ZC2HC1B: variants seen among roughly 807,000 people sequenced by gnomAD.
ZC2HC1B encodes the protein zinc finger C2HC-type containing 1B, also known as zinc finger C2HC domain-containing protein 1B.
In ZC2HC1B, 36 loss-of-function variants were observed where a neutral mutation model predicts 31.0. That is an observed-to-expected ratio of 1.16 (90% CI 0.89 to 1.54). The LOEUF is 1.54. Ranked by LOEUF, ZC2HC1B falls within the 40% of genes most tolerant of loss-of-function variation. The pLI, the probability that ZC2HC1B is intolerant of heterozygous loss-of-function variation, is 0.00. For missense variants in ZC2HC1B, 260 were observed against 268.6 expected (o/e 0.97, Z 0.22); for synonymous variants, 73 against 88.0 (o/e 0.83, Z 0.95).
At chr6:143,902,981 A>G in intron 5 of ZC2HC1B, 63 bp from the exon 6 acceptor site, 1 of 1,456,090 alleles carries the variant, frequency 6.9e-7, no homozygotes, top group Non-Finnish European at 9.4e-7. Flanking sequence ...TGTACCTCCT[A>G]TGTGGCACCT....
chr6:143,931,225 A>G (rs975610650), intron 6 of ZC2HC1B, among the ~76,000 whole-genome samples: 1 of 152,224 alleles, frequency 6.6e-6, no homozygotes, highest in Non-Finnish European at 1.5e-5. Flanking sequence ...TCTTGAAGAC[A>G]ACAGATACTT....
intron 1 of ZC2HC1B, among the ~76,000 whole-genome samples, chr6:143,873,002 A>G (rs1295004820): frequency 6.6e-6 from 1 of 152,180 alleles, no homozygotes; most frequent in Non-Finnish European, 1.5e-5. Context: ...TTCAGCATTA[A>G]TCCAAAACTC....
chr6:143,921,236 C>G lies in ZC2HC1B; in HGVS notation c.599-16413C>G, dbSNP rs1416696166. On this transcript the variant is annotated intron_variant, in intron 6 of 7. Coordinates refer to ENST00000237275, the MANE Select transcript of ZC2HC1B (RefSeq NM_001013623.3). The surrounding 1 kb of genome is among the most constrained non-coding windows in gnomAD (Gnocchi z 6.1). ...ACTTCTCCAACCTCTGTATTTAAAA[C>G]TAACCAAGCCTTCCCTAATTCCTTT... Among the ~76,000 whole-genome samples, 2 of 152,226 alleles carry G rather than the reference C, an allele frequency of 1.3e-5. No individual in the cohort carries two copies. Among genetic ancestry groups the G allele is most frequent in the Admixed American group, 6.5e-5 (1 of 15,292 alleles).
At position 143,931,605 on chromosome 6, in the gene ZC2HC1B, C is replaced by T. The variant is rs530791112; in HGVS notation, c.599-6044C>T. The stretch of plus-strand genomic sequence containing the variant: ...TTATGATGCTTAGTTTTGCTGGACA[C>T]AGAAGTCTTGGCTGGCAATTATTTT... On this transcript the variant is annotated intron_variant, in intron 6 of 7. Coordinates refer to ENST00000237275, the MANE Select transcript of ZC2HC1B (RefSeq NM_001013623.3). 1.4e-4 allele frequency among the ~76,000 whole-genome samples: 21 copies of T among 152,282 alleles called. No homozygotes were observed. The South Asian group carries it at 4.4e-3, about 32-fold the overall frequency.
intron 5 of ZC2HC1B, among the ~76,000 whole-genome samples, chr6:143,900,448 G>A (rs115708566): frequency 1.3e-5 from 2 of 151,850 alleles, no homozygotes; most frequent in African/African-American, 4.8e-5. Context: ...GGCAAGACAG[G>A]CAGACAGGCA....
chr6:143,889,263 C>CA (rs550298554), intron 4 of ZC2HC1B, among the ~76,000 whole-genome samples: 2 of 151,330 alleles, frequency 1.3e-5, no homozygotes, highest in Admixed American at 6.6e-5. Context: ...ATAAAAAATG[C>CA]AAAAAAATTC....
At chr6:143,866,552 G>A (rs569701162) in intron 1 of ZC2HC1B, among the ~76,000 whole-genome samples, 1 of 152,348 alleles carries the variant, frequency 6.6e-6, no homozygotes, top group African/African-American at 2.4e-5. Flanking sequence ...TACTTTACAA[G>A]TCTAAGTGTC....
chr6:143,914,448 A>G (rs939206186), intron 6 of ZC2HC1B, among the ~76,000 whole-genome samples: 4 of 152,194 alleles, frequency 2.6e-5, no homozygotes, highest in African/African-American at 9.7e-5. Flanking sequence ...CATATGATAT[A>G]TGTCTTTTTA....
At chr6:143,881,991 T>C (rs1374660284) in intron 1 of ZC2HC1B, among the ~76,000 whole-genome samples, 2 of 152,150 alleles carry the variant, frequency 1.3e-5, no homozygotes, top group Non-Finnish European at 2.9e-5. Context: ...ATCTCTCTAG[T>C]TGTAGTGACG....
rs1360299359 is a variant in ZC2HC1B, at chr6:143,871,615, G to A, written c.28+7048G>A. Among the ~76,000 whole-genome samples the A allele has an allele frequency of 6.6e-6, 1 of 152,182 alleles. No individual in the cohort carries two copies. Among genetic ancestry groups the A allele is most frequent in the Non-Finnish European group, 1.5e-5 (1 of 68,032 alleles). On this transcript the variant is annotated intron_variant, in intron 1 of 7. Coordinates refer to ENST00000237275, the MANE Select transcript of ZC2HC1B (RefSeq NM_001013623.3). The surrounding 1 kb of genome is among the most constrained non-coding windows in gnomAD (Gnocchi z 4.1). ...ATCTGTCTTCTGCACAGGCCAAATG[G>A]GAGAGTTGAACAGGGATGTGGTAGG...
rs1778010431 is a variant in ZC2HC1B, at chr6:143,924,137, A to G, written c.599-13512A>G. 6.6e-6 allele frequency among the ~76,000 whole-genome samples: 1 copy of G among 151,968 alleles called. No individual in the cohort carries two copies. Among genetic ancestry groups the G allele is most frequent in the Non-Finnish European group, 1.5e-5 (1 of 67,956 alleles). ...TAACATTCTTTCATCAGTGTTTTGAAGTTTTCCTCGTAAGCGTCTTTCACT... is the reference window on the plus strand; with the variant it reads ...TAACATTCTTTCATCAGTGTTTTGAGGTTTTCCTCGTAAGCGTCTTTCACT... On this transcript the variant is annotated intron_variant, in intron 6 of 7. Coordinates refer to ENST00000237275, the MANE Select transcript of ZC2HC1B (RefSeq NM_001013623.3). This position sits in a 1 kb window ranked among gnomAD's most constrained non-coding sequence, Gnocchi z 5.2.
rs1777787551 is a variant in ZC2HC1B at position 143,905,840 on chromosome 6, A to T, written c.598+2688A>T. 6.6e-6 allele frequency among the ~76,000 whole-genome samples: 1 copy of T among 152,104 alleles called. No individual in the cohort carries two copies. The highest frequency in any genetic ancestry group is 2.1e-4 in the South Asian group (1 of 4,828). On this transcript the variant is annotated intron_variant, in intron 6 of 7. Transcript: ENST00000237275. This position sits in a 1 kb window ranked among gnomAD's most constrained non-coding sequence, Gnocchi z 4.2. ...ATGTAATTTTTGTCCTTTATTCTGTAAATGTAGTGTACATTGATCGATTTT... is the reference window on the plus strand; with the variant it reads ...ATGTAATTTTTGTCCTTTATTCTGTTAATGTAGTGTACATTGATCGATTTT...
rs1777298518 is a variant in ZC2HC1B, at chr6:143,868,523, C to T, written c.28+3956C>T. 6.6e-6 allele frequency among the ~76,000 whole-genome samples: 1 copy of T among 152,032 alleles called. No homozygotes were observed. Among genetic ancestry groups the T allele is most frequent in the Non-Finnish European group, 1.5e-5 (1 of 68,016 alleles). Reference sequence around the variant, plus strand: ...TGCGCTGGCAGGTGACTAGGTGGTGCCCACCCAGATTAAGGATGAGTCTGC... The same window carrying T: ...TGCGCTGGCAGGTGACTAGGTGGTGTCCACCCAGATTAAGGATGAGTCTGC... On this transcript the variant is annotated intron_variant, in intron 1 of 7. Transcript: ENST00000237275. The surrounding 1 kb of genome is among the most constrained non-coding windows in gnomAD (Gnocchi z 4.2).
At chr6:143,867,549 C>G (rs1478656714) in intron 1 of ZC2HC1B, among the ~76,000 whole-genome samples, 2 of 152,312 alleles carry the variant, frequency 1.3e-5, no homozygotes, top group South Asian at 4.1e-4. Flanking sequence ...TTTTCTGCTT[C>G]TAAACTCACC....
intron 6 of ZC2HC1B, among the ~76,000 whole-genome samples, chr6:143,932,282 G>C (rs1778129604): frequency 6.6e-6 from 1 of 152,150 alleles, no homozygotes; most frequent in Admixed American, 6.5e-5. Context: ...TCTTCGCCAG[G>C]AACACCAATT....
rs1311301204 is a variant in ZC2HC1B, at chr6:143,911,871, G to A, written c.598+8719G>A. Among the ~76,000 whole-genome samples, 1 of 152,120 alleles carries A rather than the reference G, an allele frequency of 6.6e-6. No homozygotes were observed. The highest frequency in any genetic ancestry group is 2.4e-5 in the African/African-American group (1 of 41,416). ...ATCCTAAAGTGTGTTTTCCAACTTG[G>A]TTCCATTCTCTCTGTCTCTTTCAGG... On this transcript the variant is annotated intron_variant, in intron 6 of 7. Transcript: ENST00000237275. The surrounding 1 kb of genome is among the most constrained non-coding windows in gnomAD (Gnocchi z 4.5).
intron 4 of ZC2HC1B, among the ~76,000 whole-genome samples, chr6:143,891,752 A>AT (rs1777605010): frequency 6.6e-6 from 1 of 152,022 alleles, no homozygotes; most frequent in African/African-American, 2.4e-5. Flanking sequence ...TGATTCAAAG[A>AT]TTTTATGGAA....
intron 6 of ZC2HC1B, among the ~76,000 whole-genome samples, chr6:143,916,498 G>A (rs1257289946): frequency 6.6e-6 from 1 of 152,188 alleles, no homozygotes; most frequent in Non-Finnish European, 1.5e-5. Context: ...ACCCCACAAT[G>A]GTAGATCCAC....
chr6:143,917,683 T>C lies in ZC2HC1B; in HGVS notation c.598+14531T>C, dbSNP rs913119112. Among the ~76,000 whole-genome samples the C allele has an allele frequency of 6.6e-6, 1 of 152,204 alleles. No homozygotes were observed. Among genetic ancestry groups the C allele is most frequent in the Admixed American group, 6.5e-5 (1 of 15,276 alleles). The stretch of plus-strand genomic sequence containing the variant: ...AGCACTGACATGACATGCAATTGAT[T>C]TTTGGATTAGTGATGTTCAACCAGT... On this transcript the variant is annotated intron_variant, in intron 6 of 7. Coordinates refer to ENST00000237275, the MANE Select transcript of ZC2HC1B (RefSeq NM_001013623.3). This position sits in a 1 kb window ranked among gnomAD's most constrained non-coding sequence, Gnocchi z 4.1.
Sources: allele counts gnomAD v4.1 joint callset (sites outside exome capture counted in the v4.1 genomes callset), GRCh38; gene constraint gnomAD v4.1.1; non-coding constraint Gnocchi (gnomAD v3.1); transcripts MANE v1.5; gene names NCBI Gene and HGNC (gene_info 2026-07-23, HGNC 2026-07-21).